Variants in EFCAB3 observed in about 807,000 individuals in gnomAD.
The protein encoded by EFCAB3 is EF-hand calcium-binding domain-containing protein 3.
EFCAB3 carries 36 observed loss-of-function variants against 42.2 expected under a neutral mutation model. The ratio of observed to expected loss-of-function variants is 0.85; its 90% CI spans 0.65 to 1.13. The LOEUF (loss-of-function observed/expected upper bound fraction) is 1.13, where lower values mean the gene tolerates loss of function less well. Ranked by LOEUF, EFCAB3 falls within the 50% of genes most tolerant of loss-of-function variation. The pLI is 0.00. For synonymous variants in EFCAB3, 170 were observed against 172.8 expected (o/e 0.98, Z 0.13); for missense variants, 418 against 505.1 (o/e 0.83, Z 1.65).
At chr17:62,411,884 GGAA>G (rs2070500437) in intron 8 of EFCAB3, among the ~76,000 whole-genome samples, 1 of 58,604 alleles carries the variant, frequency 1.7e-5, no homozygotes. Context: ...AAGGAAGGAA[GGAA>G]GGAAGGAAGG....
intron 5 of EFCAB3, among the ~76,000 whole-genome samples, chr17:62,394,057 C>A (rs143996305): frequency 0.02 from 2,968 of 152,154 alleles, 96 homozygotes; most frequent in African/African-American, 0.067. Flanking sequence ...CAGGTTCATG[C>A]CATTCTCCTG....
chr17:62,413,770 T>C lies in EFCAB3; in HGVS notation c.906T>C (p.Tyr302=), dbSNP rs2070520144. 1 of 1,613,490 alleles carries C rather than the reference T, an allele frequency of 6.2e-7. No homozygotes were observed. The highest frequency in any genetic ancestry group is 8.5e-7 in the Non-Finnish European group (1 of 1,179,698). Residue 302 remains tyrosine (Y), a synonymous_variant, in exon 9 of 10, where the codon TAT becomes TAC. Coordinates refer to ENST00000305286, the MANE Select transcript of EFCAB3 (RefSeq NM_173503.4). Reference sequence around the variant, plus strand: ...AGTCTATGGACCCTGCCTCAGGTTATTCAAATAACATCTTCACCATTGATC... The same window carrying C: ...AGTCTATGGACCCTGCCTCAGGTTACTCAAATAACATCTTCACCATTGATC... ...NIKSMDPASG[Y]SNNIFTIDQM...
intron 6 of EFCAB3, among the ~76,000 whole-genome samples, chr17:62,395,873 A>C (rs1004198610): frequency 6.6e-6 from 1 of 152,146 alleles, no homozygotes; most frequent in Non-Finnish European, 1.5e-5. Context: ...CCAGTCTCCC[A>C]CCTAGAGAGA....
chr17:62,399,680 C>G (rs561442684), intron 6 of EFCAB3, among the ~76,000 whole-genome samples: 2 of 152,208 alleles, frequency 1.3e-5, no homozygotes, highest in Non-Finnish European at 2.9e-5. Flanking sequence ...ACTCACTCAA[C>G]TCACTCTCAC....
In EFCAB3 at chr17:62,414,583, T is replaced by TTGTG. The variant is rs4058759; in HGVS notation, c.990+755_990+758dup. Among the ~76,000 whole-genome samples, 1,131 of 148,800 alleles carry TTGTG rather than the reference T, an allele frequency of 7.6e-3. 18 individuals carry two copies. Among genetic ancestry groups the TTGTG allele is most frequent in the African/African-American group, 0.024 (978 of 40,550 alleles). ...TATCTCAGGTGTTTGTTTGTTTGTT[T>TTGTG]TGTGTGTGTGTGTGTGTGTGTGTGT... On this transcript the variant is annotated intron_variant, in intron 9 of 9. Coordinates refer to ENST00000305286, the MANE Select transcript of EFCAB3 (RefSeq NM_173503.4).
intron 2 of EFCAB3, among the ~76,000 whole-genome samples, chr17:62,384,944 G>T (rs193154930): frequency 9.9e-5 from 15 of 152,266 alleles, no homozygotes; most frequent in African/African-American, 3.4e-4. Context: ...ACATGAGTTT[G>T]CCCACCTGTA....
chr17:62,414,860 T>C (rs1353799204), intron 9 of EFCAB3, among the ~76,000 whole-genome samples: 1 of 151,984 alleles, frequency 6.6e-6, no homozygotes, highest in Non-Finnish European at 1.5e-5. Flanking sequence ...TCCTAGCACT[T>C]TGGGAAGCTA....
chr17:62,387,553 T>C, intron 3 of EFCAB3, 137 bp downstream of exon 3: 1 of 661,132 alleles, frequency 1.5e-6, no homozygotes, highest in Non-Finnish European at 2.4e-6. Flanking sequence ...AAACCTTACA[T>C]TTTTGTGGGA....
chr17:62,411,115 C>T (rs1052516710), intron 8 of EFCAB3, among the ~76,000 whole-genome samples: 1 of 152,080 alleles, frequency 6.6e-6, no homozygotes, highest in Non-Finnish European at 1.5e-5. Context: ...TAAACACATC[C>T]ATATCCTAGG....
intron 2 of EFCAB3, among the ~76,000 whole-genome samples, chr17:62,383,462 G>A (rs2070221678): frequency 1.3e-5 from 2 of 151,860 alleles, no homozygotes; most frequent in African/African-American, 4.8e-5. Flanking sequence ...GACAGAGCAA[G>A]ACTCCATCTC....
rs539624570 is a variant in EFCAB3 at position 62,397,654 on chromosome 17, A to G, written c.488+2466A>G. Reference sequence around the variant, plus strand: ...TGATCAAGAATAGCAAGAAAATCACAGCCTTTGTACCCAATGGTGGTTGCT... The same window carrying G: ...TGATCAAGAATAGCAAGAAAATCACGGCCTTTGTACCCAATGGTGGTTGCT... On this transcript the variant is annotated intron_variant, in intron 6 of 9. Coordinates refer to ENST00000305286, the MANE Select transcript of EFCAB3 (RefSeq NM_173503.4). 8.4e-5 allele frequency: 50 copies of G among 596,412 alleles called. No individual in the cohort carries two copies. The East Asian group carries it at 2.0e-3, about 24-fold the overall frequency. The allele number at this position is 596,412 out of a possible 1,614,324, so 36.9% of individuals were successfully genotyped here. A position where few individuals can be genotyped will look rare whatever the true frequency, so the allele number is the denominator to read the frequency against.
intron 1 of EFCAB3, among the ~76,000 whole-genome samples, chr17:62,373,277 C>A: frequency 1.2e-5 from 1 of 82,976 alleles, no homozygotes; most frequent in Non-Finnish European, 2.6e-5. Flanking sequence ...GAGACCCTGC[C>A]TCAAAAAAAA....
intron 3 of EFCAB3, among the ~76,000 whole-genome samples, chr17:62,389,405 A>G (rs1285637800): frequency 2.6e-5 from 4 of 152,224 alleles, no homozygotes; most frequent in Non-Finnish European, 5.9e-5. Context: ...TGAGAGGGGC[A>G]GTCCCTCCAG....
upstream of EFCAB3, among the ~76,000 whole-genome samples, chr17:62,376,735 T>G (rs894391093): frequency 1.3e-5 from 2 of 152,200 alleles, no homozygotes; most frequent in Non-Finnish European, 2.9e-5. Context: ...AACATTCATA[T>G]ATGAACAACT....
rs2070324497 is a variant in EFCAB3, at chr17:62,393,710, TTCACAGGCTTCCAGTCGGGAGACAGG to T, written c.367+70_367+95del. ...ACAACTCACTGCACAGCAAACATCA[TTCACAGGCTTCCAGTCGGGAGACAGG>T]TCAGGAAGGTGTAGTCTGGGATGTG... On this transcript the variant is annotated intron_variant, in intron 5 of 9. Transcript: ENST00000305286. 5.4e-5 allele frequency: 75 copies of T among 1,386,188 alleles called. 2 individuals are homozygous for T. In the South Asian group the frequency reaches 8.8e-4, roughly 16 times the overall value. The allele number at this position is 1,386,188 out of a possible 1,614,324, so 85.9% of individuals were successfully genotyped here.
At chr17:62,402,521 G>A (rs906469643) in intron 6 of EFCAB3, among the ~76,000 whole-genome samples, 2 of 152,082 alleles carry the variant, frequency 1.3e-5, no homozygotes, top group African/African-American at 4.8e-5. Flanking sequence ...TTTTGTCGAA[G>A]GCCTTTTCTG....
intron 8 of EFCAB3, among the ~76,000 whole-genome samples, chr17:62,407,780 C>A (rs1013682377): frequency 6.6e-6 from 1 of 152,206 alleles, no homozygotes; most frequent in African/African-American, 2.4e-5. Flanking sequence ...TCTAGATAAA[C>A]TCTCAAGAGG....
At chr17:62,385,865 G>A (rs1317429870) in intron 2 of EFCAB3, among the ~76,000 whole-genome samples, 9 of 149,740 alleles carry the variant, frequency 6.0e-5, no homozygotes, top group South Asian at 4.3e-4. Flanking sequence ...GACTACAGGC[G>A]CCCGCCACCA....
chr17:62,380,757 GT>G (rs2070189441), intron 1 of EFCAB3, 144 bp downstream of exon 1: 1 of 279,266 alleles, frequency 3.6e-6, no homozygotes, highest in African/African-American at 2.3e-5. Context: ...TGCCTGAATT[GT>G]TGAGCCATTC....
Sources: allele counts gnomAD v4.1 joint callset (sites outside exome capture counted in the v4.1 genomes callset), GRCh38; gene constraint gnomAD v4.1.1; transcripts MANE v1.5; gene names NCBI Gene and HGNC (gene_info 2026-07-23, HGNC 2026-07-21).